The following SLC39A11 variants were observed in gnomAD, a reference collection of about 807,000 sequenced individuals.
The protein encoded by SLC39A11 is solute carrier family 39 member 11, also known as zinc transporter ZIP11.
Under a neutral mutation model 36.1 loss-of-function variants are expected in SLC39A11, and 33 were observed. The observed-to-expected ratio is 0.91, with a 90% CI of 0.69 to 1.22. SLC39A11 has a LOEUF of 1.22. Ranked by LOEUF, SLC39A11 falls within the 50% of genes most tolerant of loss-of-function variation. The probability of loss-of-function intolerance (pLI) is 0.00; values close to 1 mark genes in which losing one functional copy is unlikely to be tolerated. For missense variants in SLC39A11, 432 were observed against 430.3 expected (o/e 1.00, Z -0.03); for synonymous variants, 166 against 170.3 (o/e 0.97, Z 0.20).
At chr17:72,731,800 C>G (rs138885010) in intron 7 of SLC39A11, among the ~76,000 whole-genome samples, 310 of 152,060 alleles carry the variant, frequency 2.0e-3, no homozygotes, top group Non-Finnish European at 3.9e-3. Flanking sequence ...GATCTTGGCA[C>G]ACTGCAACCT....
intron 4 of SLC39A11, among the ~76,000 whole-genome samples, chr17:72,963,727 C>A (rs1172875060): frequency 1.3e-5 from 2 of 152,152 alleles, no homozygotes; most frequent in Non-Finnish European, 2.9e-5. Context: ...CAATAAATGA[C>A]AACAAGTCAT....
At chr17:72,699,861 T>C (rs2072523587) in intron 7 of SLC39A11, among the ~76,000 whole-genome samples, 1 of 152,126 alleles carries the variant, frequency 6.6e-6, no homozygotes, top group Non-Finnish European at 1.5e-5. Context: ...CTGAAATCAC[T>C]AGCTTTCGGG....
chr17:73,065,905 A>G (rs1325077220), intron 3 of SLC39A11, among the ~76,000 whole-genome samples: 2 of 152,322 alleles, frequency 1.3e-5, no homozygotes, highest in Non-Finnish European at 2.9e-5. Context: ...GGCAGGACGG[A>G]GAAAACAAGA....
chr17:73,081,587 CAAGGAGTGGATA>C (rs2060509640), intron 3 of SLC39A11, among the ~76,000 whole-genome samples: 1 of 134,752 alleles, frequency 7.4e-6, no homozygotes, highest in African/African-American at 2.8e-5. Context: ...GCCCACCAAT[CAAGGAGTGGATA>C]AAGAAAATGT....
chr17:72,724,035 CA>C (rs2073820344), intron 7 of SLC39A11, among the ~76,000 whole-genome samples: 1 of 152,108 alleles, frequency 6.6e-6, no homozygotes, highest in Non-Finnish European at 1.5e-5. Flanking sequence ...CTTAGACGTG[CA>C]ACTATTGGGC....
intron 3 of SLC39A11, among the ~76,000 whole-genome samples, chr17:73,038,048 C>A (rs932322423): frequency 6.6e-6 from 1 of 152,052 alleles, no homozygotes; most frequent in Non-Finnish European, 1.5e-5. Flanking sequence ...CATGGCGAAA[C>A]CCCGTCTCTA....
At chr17:73,076,848 T>C (rs905410457) in intron 3 of SLC39A11, among the ~76,000 whole-genome samples, 3 of 151,422 alleles carry the variant, frequency 2.0e-5, no homozygotes, top group Non-Finnish European at 4.4e-5. Flanking sequence ...TTCTACTCTC[T>C]GGCTGATACA....
chr17:73,081,756 T>C (rs2060540637), intron 3 of SLC39A11, among the ~76,000 whole-genome samples: 1 of 145,968 alleles, frequency 6.9e-6, no homozygotes, highest in Non-Finnish European at 1.5e-5. Context: ...CATATATGTG[T>C]GTGGGTATAT....
At position 72,845,384 on chromosome 17, in the gene SLC39A11, A is replaced by G. The variant is rs146616814; in HGVS notation, c.601+4250T>C. 5.7e-3 allele frequency among the ~76,000 whole-genome samples: 861 copies of G among 152,284 alleles called. 6 individuals carry two copies. Among genetic ancestry groups the G allele is most frequent in the Non-Finnish European group, 7.2e-3 (489 of 68,018 alleles). On this transcript the variant is annotated intron_variant, in intron 6 of 9. Transcript: ENST00000255559. Reference sequence around the variant, plus strand: ...TGGCTACTCCTTGTGGGGGCCAGACATGCTCCTGCCTCAGGGCCTTTGCAC... The same window carrying G: ...TGGCTACTCCTTGTGGGGGCCAGACGTGCTCCTGCCTCAGGGCCTTTGCAC...
At chr17:72,838,560 T>C (rs1006089515) in intron 6 of SLC39A11, among the ~76,000 whole-genome samples, 1 of 152,198 alleles carries the variant, frequency 6.6e-6, no homozygotes, top group South Asian at 2.1e-4. Context: ...GGGTGAATTT[T>C]ATGGTATGTG....
intron 5 of SLC39A11, among the ~76,000 whole-genome samples, chr17:72,936,411 T>TAAAAAAAAAAAAAA (rs746428868): frequency 2.7e-5 from 2 of 73,460 alleles, no homozygotes; most frequent in East Asian, 4.7e-4. Context: ...TGAAAAAAAG[T>TAAAAAAAAAAAAAA]AAAAAAAAAA....
chr17:72,945,056 GAT>G (rs2085347337), intron 5 of SLC39A11, among the ~76,000 whole-genome samples: 1 of 152,032 alleles, frequency 6.6e-6, no homozygotes, highest in African/African-American at 2.4e-5. Context: ...TGGATGGATG[GAT>G]GGATGGATGG....
chr17:72,711,974 T>C (rs2073121668), intron 7 of SLC39A11, among the ~76,000 whole-genome samples: 1 of 152,216 alleles, frequency 6.6e-6, no homozygotes, highest in Non-Finnish European at 1.5e-5. Context: ...AATGCTTCTG[T>C]ACCTTGAACA....
chr17:72,702,552 C>T (rs776466754), intron 7 of SLC39A11, among the ~76,000 whole-genome samples: 7 of 152,224 alleles, frequency 4.6e-5, no homozygotes, highest in East Asian at 3.9e-4. Flanking sequence ...TCAAAGTACA[C>T]GACAGTGCCA....
chr17:73,052,834 G>A (rs2059552295), intron 3 of SLC39A11, among the ~76,000 whole-genome samples: 1 of 152,126 alleles, frequency 6.6e-6, no homozygotes, highest in South Asian at 2.1e-4. Context: ...CCGAGTAGCT[G>A]GAATTACAGG....
chr17:72,846,018 C>CTTTTTTTTT (rs569100122), intron 6 of SLC39A11, among the ~76,000 whole-genome samples: 2,015 of 57,964 alleles, frequency 0.035, 380 homozygotes, highest in Non-Finnish European at 0.044. Context: ...CTCTCTCTCT[C>CTTTTTTTTT]TTTTTTTTTT....
intron 2 of SLC39A11, among the ~76,000 whole-genome samples, chr17:73,086,323 TTC>T (rs2060727174): frequency 6.6e-6 from 1 of 151,814 alleles, no homozygotes. Context: ...CATAAGCATC[TTC>T]TATTTCAATA....
intron 6 of SLC39A11, among the ~76,000 whole-genome samples, chr17:72,789,943 T>C (rs1027004383): frequency 6.6e-6 from 1 of 152,174 alleles, no homozygotes; most frequent in Admixed American, 6.5e-5. Context: ...TGGGTTTTTC[T>C]GACTTCTCGT....
At chr17:73,002,940 G>A (rs2089902710) in intron 4 of SLC39A11, among the ~76,000 whole-genome samples, 2 of 152,074 alleles carry the variant, frequency 1.3e-5, no homozygotes, top group African/African-American at 2.4e-5. Context: ...CTCTTATAAG[G>A]AGGCTTGAGA....
Sources: allele counts gnomAD v4.1 joint callset (sites outside exome capture counted in the v4.1 genomes callset), GRCh38; gene constraint gnomAD v4.1.1; transcripts MANE v1.5; gene names NCBI Gene and HGNC (gene_info 2026-07-23, HGNC 2026-07-21).